VEGFC: variants seen among roughly 807,000 people sequenced by gnomAD.
VEGFC encodes FLT4 ligand DHM.
VEGFC carries 12 observed loss-of-function variants against 46.1 expected under a neutral mutation model. The observed-to-expected ratio is 0.26, with a 90% CI of 0.17 to 0.42. The LOEUF (loss-of-function observed/expected upper bound fraction) is 0.42, where lower values mean the gene tolerates loss of function less well. VEGFC is among the 10% of genes least tolerant of loss of function. The pLI, the probability that VEGFC is intolerant of heterozygous loss-of-function variation, is 1.00. For synonymous variants in VEGFC, 232 were observed against 195.5 expected (o/e 1.19, Z -1.56); for missense variants, 488 against 529.4 (o/e 0.92, Z 0.77).
intron 4 of VEGFC, among the ~76,000 whole-genome samples, chr4:176,708,346 T>C (rs1734571087): frequency 1.3e-5 from 2 of 152,050 alleles, no homozygotes; most frequent in African/African-American, 4.8e-5. Context: ...ATTTTTAATT[T>C]AAATGTTAAC....
At chr4:176,787,266 C>T (rs1000958524) in intron 1 of VEGFC, among the ~76,000 whole-genome samples, 6 of 151,782 alleles carry the variant, frequency 4.0e-5, no homozygotes, top group African/African-American at 7.3e-5. Flanking sequence ...AAACCAGCTT[C>T]GCCTACAAGA....
intron 1 of VEGFC, among the ~76,000 whole-genome samples, chr4:176,745,635 C>G (rs1284094982): frequency 6.6e-6 from 1 of 152,026 alleles, no homozygotes; most frequent in African/African-American, 2.4e-5. Context: ...TAACACTATA[C>G]TGGGACCTGC....
At position 176,705,695 on chromosome 4, in the gene VEGFC, A is replaced by G. The variant is rs1017446957; in HGVS notation, c.704+5804T>C. Reference sequence around the variant, plus strand: ...TTTAGGCACTGTGCTAATATTTAACATGGATTGCTGGTTATAAAGATCACA... The same window carrying G: ...TTTAGGCACTGTGCTAATATTTAACGTGGATTGCTGGTTATAAAGATCACA... On this transcript the variant is annotated intron_variant, in intron 4 of 6. Coordinates refer to ENST00000618562, the MANE Select transcript of VEGFC (RefSeq NM_005429.5). Among the ~76,000 whole-genome samples, 8 of 152,198 alleles carry G rather than the reference A, an allele frequency of 5.3e-5. No homozygotes were observed. In the South Asian group the frequency reaches 6.2e-4, roughly 12 times the overall value.
chr4:176,708,446 T>C (rs188117680), intron 4 of VEGFC, among the ~76,000 whole-genome samples: 47 of 152,192 alleles, frequency 3.1e-4, no homozygotes, highest in African/African-American at 1.1e-3. Flanking sequence ...GAGATACATA[T>C]AGTATAAAGA....
At chr4:176,732,292 C>A (rs1347467107) in intron 1 of VEGFC, among the ~76,000 whole-genome samples, 1 of 151,838 alleles carries the variant, frequency 6.6e-6, no homozygotes, top group Non-Finnish European at 1.5e-5. Flanking sequence ...AACTATAATT[C>A]TTTTCAATCC....
chr4:176,735,675 C>A (rs949186781), intron 1 of VEGFC, among the ~76,000 whole-genome samples: 7 of 151,768 alleles, frequency 4.6e-5, no homozygotes, highest in African/African-American at 1.7e-4. Context: ...GGCTTCTGAA[C>A]AGGGGCAATT....
rs554549538 is a variant in VEGFC at position 176,747,022 on chromosome 4, G to A, written c.148-17276C>T. 5.3e-5 allele frequency among the ~76,000 whole-genome samples: 8 copies of A among 152,198 alleles called. No homozygotes were observed. In the South Asian group the frequency reaches 8.3e-4, roughly 16 times the overall value. On this transcript the variant is annotated intron_variant, in intron 1 of 6. Transcript: ENST00000618562. Reference sequence around the variant, plus strand: ...AGCATCACTTGACTGTGCGTCTGCCGCATAGCAATGCATAATGAATAAGTA... The same window carrying A: ...AGCATCACTTGACTGTGCGTCTGCCACATAGCAATGCATAATGAATAAGTA...
chr4:176,692,826 C>T (rs1269556884), intron 4 of VEGFC, among the ~76,000 whole-genome samples: 14 of 146,540 alleles, frequency 9.6e-5, no homozygotes, highest in African/African-American at 2.1e-4. Context: ...ACCCCTGACC[C>T]CCGAGCAGCC....
chr4:176,701,966 A>C (rs1306798906), intron 4 of VEGFC, among the ~76,000 whole-genome samples: 1 of 152,180 alleles, frequency 6.6e-6, no homozygotes, highest in African/African-American at 2.4e-5. Flanking sequence ...TTGGTAAAGC[A>C]ATAATGTATA....
chr4:176,748,185 T>G (rs1051993749), intron 1 of VEGFC, among the ~76,000 whole-genome samples: 5 of 152,084 alleles, frequency 3.3e-5, no homozygotes, highest in Non-Finnish European at 7.4e-5. Flanking sequence ...AAACAAAATT[T>G]TTCTATGTTT....
chr4:176,767,123 T>TAAAAAAAAAAAAAAAAAAAAAAAAAAAA (rs70964805), intron 1 of VEGFC, among the ~76,000 whole-genome samples: 11 of 50,476 alleles, frequency 2.2e-4, no homozygotes, highest in East Asian at 1.6e-3. Flanking sequence ...TGTAGAAATC[T>TAAAAAAAAAAAAAAAAAAAAAAAAAAAA]AAAAAAAAAA....
At chr4:176,748,965 G>A (rs1735299756) in intron 1 of VEGFC, among the ~76,000 whole-genome samples, 1 of 151,908 alleles carries the variant, frequency 6.6e-6, no homozygotes, top group Non-Finnish European at 1.5e-5. Flanking sequence ...TTATGTAAAT[G>A]ATGGGTAAAC....
At chr4:176,750,266 A>G (rs1735320162) in intron 1 of VEGFC, among the ~76,000 whole-genome samples, 1 of 151,768 alleles carries the variant, frequency 6.6e-6, no homozygotes, top group Admixed American at 6.6e-5. Context: ...GTGACATATC[A>G]GTAATTATGA....
intron 1 of VEGFC, among the ~76,000 whole-genome samples, chr4:176,777,972 G>A (rs1361122414): frequency 7.0e-6 from 1 of 142,318 alleles, no homozygotes; most frequent in East Asian, 2.2e-4. Flanking sequence ...ATATGTAGAG[G>A]ATCTATTTTA....
intron 1 of VEGFC, among the ~76,000 whole-genome samples, chr4:176,771,909 A>G (rs1314204811): frequency 6.6e-6 from 1 of 152,222 alleles, no homozygotes; most frequent in Non-Finnish European, 1.5e-5. Context: ...ATCTGAAAAT[A>G]GCTGATCCCC....
chr4:176,740,929 G>A (rs1002496843), intron 1 of VEGFC, among the ~76,000 whole-genome samples: 7 of 151,758 alleles, frequency 4.6e-5, no homozygotes, highest in African/African-American at 1.7e-4. Context: ...GTTGTATAAC[G>A]TTATCATCGA....
chr4:176,754,681 C>T (rs1439875930), intron 1 of VEGFC, among the ~76,000 whole-genome samples: 2 of 151,998 alleles, frequency 1.3e-5, no homozygotes, highest in East Asian at 1.9e-4. Context: ...TTTAACCACA[C>T]CTGCAAAACC....
chr4:176,742,366 C>T lies in VEGFC; in HGVS notation c.148-12620G>A, dbSNP rs79681462. On this transcript the variant is annotated intron_variant, in intron 1 of 6. Transcript: ENST00000618562. The stretch of plus-strand genomic sequence containing the variant: ...AACTTAGGCTGATTCCATGACTTTG[C>T]TATTAAAAATAGTGCTGCGATAAAC... Among the ~76,000 whole-genome samples, 233 of 152,022 alleles carry T rather than the reference C, an allele frequency of 1.5e-3. 1 individual carries two copies. Among genetic ancestry groups the T allele is most frequent in the Middle Eastern group, 6.8e-3 (2 of 294 alleles).
chr4:176,736,094 A>T (rs1735048611), intron 1 of VEGFC, among the ~76,000 whole-genome samples: 1 of 151,758 alleles, frequency 6.6e-6, no homozygotes, highest in Non-Finnish European at 1.5e-5. Flanking sequence ...TGGAATCTAG[A>T]CCTAAAAAGT....
Sources: gnomAD v4.1 joint callset for allele counts (sites outside exome capture counted in the v4.1 genomes callset) on GRCh38, gnomAD v4.1.1 for gene constraint, MANE v1.5 for transcripts, NCBI Gene and HGNC (gene_info 2026-07-23, HGNC 2026-07-21) for gene names.